The following CHCHD3 variants were observed in gnomAD, a reference collection of about 807,000 sequenced individuals.
The protein encoded by CHCHD3 is coiled-coil-helix-coiled-coil-helix domain containing 3.
A neutral mutation model predicts 38.2 loss-of-function variants in CHCHD3; 20 were observed. The ratio of observed to expected loss-of-function variants is 0.52; its 90% CI spans 0.37 to 0.76. CHCHD3 has a LOEUF of 0.76. Among genes scored for constraint, CHCHD3 ranks in the 30% least tolerant of loss-of-function variants. The pLI, the probability that CHCHD3 is intolerant of heterozygous loss-of-function variation, is 0.00. For missense variants in CHCHD3, 245 were observed against 279.2 expected (o/e 0.88, Z 0.87); for synonymous variants, 82 against 100.0 (o/e 0.82, Z 1.07).
intron 4 of CHCHD3, among the ~76,000 whole-genome samples, chr7:132,927,315 T>C (rs548435045): frequency 6.6e-6 from 1 of 152,352 alleles, no homozygotes; most frequent in South Asian, 2.1e-4. Context: ...TCTTTGAATA[T>C]ACACACCAAG....
rs548558418 is a variant in CHCHD3 at position 132,880,285 on chromosome 7, A to G, written c.453+5377T>C. Among the ~76,000 whole-genome samples, 10 of 152,314 alleles carry G rather than the reference A, an allele frequency of 6.6e-5. No individual in the cohort carries two copies. In the East Asian group the frequency reaches 1.9e-3, roughly 29 times the overall value. ...GGTGAATTACTTTAAGCCTTCACCTAAACAATAGGGCGCACAGCCACACAG... is the reference window on the plus strand; with the variant it reads ...GGTGAATTACTTTAAGCCTTCACCTGAACAATAGGGCGCACAGCCACACAG... On this transcript the variant is annotated intron_variant, in intron 5 of 7. Transcript: ENST00000262570.
chr7:133,080,742 G>C (rs1039438926), intron 1 of CHCHD3, among the ~76,000 whole-genome samples: 3 of 152,164 alleles, frequency 2.0e-5, no homozygotes, highest in Non-Finnish European at 2.9e-5. Flanking sequence ...TCGACAGTCT[G>C]AGTTTCTATG....
At chr7:132,825,952 A>G (rs761496610) in intron 6 of CHCHD3, among the ~76,000 whole-genome samples, 1 of 152,220 alleles carries the variant, frequency 6.6e-6, no homozygotes, top group South Asian at 2.1e-4. Flanking sequence ...AGCTTCTACC[A>G]TATGAAGCGT....
intron 6 of CHCHD3, among the ~76,000 whole-genome samples, chr7:132,799,101 A>G (rs973880743): frequency 1.3e-5 from 2 of 150,538 alleles, no homozygotes; most frequent in African/African-American, 4.9e-5. Flanking sequence ...TGTATTAATG[A>G]TTTGATGGTA....
At chr7:132,794,224 T>C (rs1806544288) in intron 7 of CHCHD3, among the ~76,000 whole-genome samples, 1 of 152,198 alleles carries the variant, frequency 6.6e-6, no homozygotes, top group Non-Finnish European at 1.5e-5. Flanking sequence ...TCTGCATTAG[T>C]GGATGATGGA....
chr7:132,879,658 A>C (rs1483601922), intron 5 of CHCHD3, among the ~76,000 whole-genome samples: 4 of 143,980 alleles, frequency 2.8e-5, no homozygotes, highest in African/African-American at 1.0e-4. Context: ...CATTTTCCTG[A>C]AGAACACACA....
In CHCHD3 at chr7:132,994,877, C is replaced by T. The variant is rs76240655; in HGVS notation, c.252-19591G>A. On this transcript the variant is annotated intron_variant, in intron 3 of 7. Transcript: ENST00000262570. The stretch of plus-strand genomic sequence containing the variant: ...AGTCACCTTGGCATACACAGAGAGA[C>T]CAACAGACAACATCAGCACCCACCA... Among the ~76,000 whole-genome samples, 63 of 152,244 alleles carry T rather than the reference C, an allele frequency of 4.1e-4. No individual in the cohort carries two copies. The East Asian group carries it at 6.4e-3, about 15-fold the overall frequency.
At chr7:132,790,546 C>CA (rs1287373878) in intron 7 of CHCHD3, among the ~76,000 whole-genome samples, 4 of 152,004 alleles carry the variant, frequency 2.6e-5, no homozygotes, top group Non-Finnish European at 2.9e-5. Context: ...GCTGCCCTAC[C>CA]AAAAAAATGG....
At chr7:132,946,249 G>C (rs1232839163) in intron 4 of CHCHD3, among the ~76,000 whole-genome samples, 1 of 151,756 alleles carries the variant, frequency 6.6e-6, no homozygotes, top group Admixed American at 6.6e-5. Context: ...TACAGACAGA[G>C]AGAAAGAGAA....
intron 4 of CHCHD3, among the ~76,000 whole-genome samples, chr7:132,950,212 C>T (rs577675269): frequency 1.3e-5 from 2 of 152,064 alleles, no homozygotes; most frequent in Non-Finnish European, 2.9e-5. Flanking sequence ...CTATTGGGTA[C>T]TACATTCACT....
intron 3 of CHCHD3, among the ~76,000 whole-genome samples, chr7:132,992,782 T>C (rs1562931886): frequency 6.6e-6 from 1 of 152,180 alleles, no homozygotes; most frequent in Admixed American, 6.5e-5. Context: ...TAGAGTTACT[T>C]TTTTTTGTTT....
At chr7:133,034,535 G>GTTTAGTTTCCTTTAAT in intron 2 of CHCHD3, 1 of 160,828 alleles carries the variant, frequency 6.2e-6, no homozygotes, top group South Asian at 8.1e-5. Flanking sequence ...TTTTTTCAAT[G>GTTTAGTTTCCTTTAAT]TTCAGTTTCC....
chr7:133,034,702 C>T, intron 2 of CHCHD3: 1 of 1,613,346 alleles, frequency 6.2e-7, no homozygotes, highest in South Asian at 1.1e-5. Flanking sequence ...TGGGTCTCCT[C>T]TCTGCCAGGA....
chr7:132,919,930 T>C (rs1273181244), intron 4 of CHCHD3, among the ~76,000 whole-genome samples: 1 of 152,170 alleles, frequency 6.6e-6, no homozygotes, highest in Non-Finnish European at 1.5e-5. Context: ...TGGATTTACA[T>C]GTTACACAAT....
intron 5 of CHCHD3, among the ~76,000 whole-genome samples, chr7:132,861,585 T>A (rs1008833188): frequency 3.9e-5 from 6 of 152,160 alleles, no homozygotes; most frequent in Non-Finnish European, 8.8e-5. Flanking sequence ...AAAAAAGATG[T>A]CTAAAGCAGG....
intron 7 of CHCHD3, among the ~76,000 whole-genome samples, chr7:132,793,315 T>C (rs1406412170): frequency 6.6e-6 from 1 of 152,220 alleles, no homozygotes; most frequent in East Asian, 1.9e-4. Context: ...GCTAAGCAGA[T>C]ATGAGAAACA....
intron 1 of CHCHD3, among the ~76,000 whole-genome samples, chr7:133,080,132 T>C (rs1815128076): frequency 1.3e-5 from 2 of 152,216 alleles, no homozygotes; most frequent in East Asian, 1.9e-4. Context: ...AAGGGTATAT[T>C]CTGAAGAAAA....
At chr7:132,878,241 G>A (rs1326335435) in intron 5 of CHCHD3, among the ~76,000 whole-genome samples, 1 of 152,020 alleles carries the variant, frequency 6.6e-6, no homozygotes, top group Non-Finnish European at 1.5e-5. Flanking sequence ...AAGCACTCTG[G>A]GCTGACAATA....
rs189846805 is a variant in CHCHD3, at chr7:132,901,900, C to G, written c.370-16155G>C. Among the ~76,000 whole-genome samples, 112 of 152,266 alleles carry G rather than the reference C, an allele frequency of 7.4e-4. 1 individual carries two copies. The highest frequency in any genetic ancestry group is 5.6e-3 in the East Asian group (29 of 5,184). On this transcript the variant is annotated intron_variant, in intron 4 of 7. Transcript: ENST00000262570. ...CATGAAGTCCTTGCCCATGCCTATT[C>G]CTGAATGGTATTGCCTAGGTTTTCT...
Sources: gnomAD v4.1 joint callset for allele counts (sites outside exome capture counted in the v4.1 genomes callset) on GRCh38, gnomAD v4.1.1 for gene constraint, MANE v1.5 for transcripts, NCBI Gene and HGNC (gene_info 2026-07-23, HGNC 2026-07-21) for gene names.